The following PHLPP1 variants were observed in gnomAD, a reference collection of about 807,000 sequenced individuals.
PHLPP1 encodes the protein PH domain leucine-rich repeat-containing protein phosphatase 1.
In PHLPP1, 42 loss-of-function variants were observed where a neutral mutation model predicts 117.2. The ratio of observed to expected loss-of-function variants is 0.36; its 90% confidence interval spans 0.28 to 0.46. The LOEUF is 0.46. PHLPP1 is among the 20% of genes least tolerant of loss of function. PHLPP1 has a pLI of 1.00. For synonymous variants in PHLPP1, 1,042 were observed against 970.7 expected, an observed-to-expected ratio of 1.07 and a Z score of -1.37; for missense variants, 2,084 against 2,241.9, an observed-to-expected ratio of 0.93 and a Z score of 1.42.
At chr18:62,868,251 G>A (rs185623954) in intron 4 of PHLPP1, among the ~76,000 whole-genome samples, 209 of 152,122 alleles carry the variant, frequency 1.4e-3, no homozygotes, top group African/African-American at 4.6e-3. Flanking sequence ...AGATTATACC[G>A]TCATCCTTTG....
intron 12 of PHLPP1, among the ~76,000 whole-genome samples, chr18:62,956,933 C>A (rs1380895791): frequency 6.6e-6 from 1 of 152,092 alleles, no homozygotes; most frequent in Non-Finnish European, 1.5e-5. Flanking sequence ...GATTTAAATT[C>A]TTTGAGAATT....
At chr18:62,960,835 C>T (rs1239770210) in intron 13 of PHLPP1, among the ~76,000 whole-genome samples, 1 of 152,086 alleles carries the variant, frequency 6.6e-6, no homozygotes, top group African/African-American at 2.4e-5. Context: ...AAAATGTTAC[C>T]TTCTGTTTAA....
At chr18:62,820,775 C>T (rs1431968914) in intron 1 of PHLPP1, among the ~76,000 whole-genome samples, 1 of 152,172 alleles carries the variant, frequency 6.6e-6, no homozygotes, top group Non-Finnish European at 1.5e-5. Context: ...AGTATGAAAA[C>T]TAATACAAAC....
chr18:62,947,441 A>T (rs997330484), intron 12 of PHLPP1, among the ~76,000 whole-genome samples: 1 of 152,200 alleles, frequency 6.6e-6, no homozygotes, highest in Non-Finnish European at 1.5e-5. Context: ...GCAAATGTTT[A>T]TTTGCCGTTC....
Position 62,791,010 on chromosome 18 carries a change from G to C in PHLPP1, c.1577-39025G>C, listed in dbSNP as rs140585242. On this transcript the variant is annotated intron_variant, in intron 1 of 16. Coordinates refer to ENST00000262719, the MANE Select transcript of PHLPP1 (RefSeq NM_194449.4). ...AGGGAGGAAGACTGGCTTTGTTTTC[G>C]GTGTGCTGAGTTGAGGAGCTGGCGA... is the stretch of plus-strand genomic sequence containing the variant. Among the ~76,000 whole-genome samples, 469 of 152,202 alleles carry C rather than the reference G, an allele frequency of 3.1e-3. 2 individuals carry two copies. The highest frequency in any genetic ancestry group is 5.4e-3 in the Non-Finnish European group (370 of 68,000).
Position 62,965,920 on chromosome 18 carries a change from G to A in PHLPP1, c.3560+2448G>A, listed in dbSNP as rs192274297. On this transcript the variant is annotated intron_variant, in intron 14 of 16. Coordinates refer to ENST00000262719, the MANE Select transcript of PHLPP1 (RefSeq NM_194449.4). ...ATACTACCTCATTCCAATTAGCAAG[G>A]GGAGCCTACAGAAGGAAGACGGAAT... 7.9e-4 allele frequency among the ~76,000 whole-genome samples: 120 copies of A among 151,634 alleles called. 1 individual carries two copies. Among genetic ancestry groups the A allele is most frequent in the African/African-American group, 2.4e-3 (99 of 41,362 alleles).
Position 62,920,187 on chromosome 18 carries a change from C to G in PHLPP1, c.2960+73C>G, listed in dbSNP as rs532419838. The stretch of plus-strand genomic sequence containing the variant: ...CATTTGTATCTTTGTCTTTCGTGAC[C>G]TGAGACTGTATAAACTTTCTGAGTA... On this transcript the variant is annotated intron_variant, in intron 10 of 16. Transcript: ENST00000262719. 11 of 1,354,676 alleles carry G rather than the reference C, an allele frequency of 8.1e-6. No individual in the cohort carries two copies. The African/African-American group carries it at 1.3e-4, about 16-fold the overall frequency. 83.9% of individuals were successfully genotyped at this position (1,354,676 alleles called of 1,614,324 possible).
At chr18:62,740,225 C>T (rs1417363901) in intron 1 of PHLPP1, among the ~76,000 whole-genome samples, 2 of 152,104 alleles carry the variant, frequency 1.3e-5, no homozygotes, top group Admixed American at 6.6e-5. Context: ...ATGAAAGCTG[C>T]GGGTAGTAAA....
At chr18:62,886,871 G>A (rs554509661) in intron 4 of PHLPP1, among the ~76,000 whole-genome samples, 1 of 152,252 alleles carries the variant, frequency 6.6e-6, no homozygotes, top group Admixed American at 6.5e-5. Flanking sequence ...CCTTTCTGTA[G>A]TGTGAACTCT....
At chr18:62,949,591 G>T (rs1446730265) in intron 12 of PHLPP1, among the ~76,000 whole-genome samples, 1 of 152,132 alleles carries the variant, frequency 6.6e-6, no homozygotes, top group African/African-American at 2.4e-5. Flanking sequence ...AGCCTGAGTG[G>T]ATCATTAGTG....
At chr18:62,794,412 T>C (rs1256613835) in intron 1 of PHLPP1, among the ~76,000 whole-genome samples, 1 of 152,016 alleles carries the variant, frequency 6.6e-6, no homozygotes, top group African/African-American at 2.4e-5. Flanking sequence ...CTGTCAACCA[T>C]GCTGAGTGCA....
intron 4 of PHLPP1, among the ~76,000 whole-genome samples, chr18:62,868,341 C>T (rs1915818337): frequency 2.0e-5 from 3 of 152,068 alleles, no homozygotes; most frequent in South Asian, 4.1e-4. Context: ...TAAGGGATAA[C>T]TTCAGACTAT....
chr18:62,787,154 T>G (rs1453269706), intron 1 of PHLPP1, among the ~76,000 whole-genome samples: 3 of 152,124 alleles, frequency 2.0e-5, no homozygotes, highest in Non-Finnish European at 4.4e-5. Context: ...GGATGCCTTT[T>G]TTTTCTCTCT....
At chr18:62,752,823 T>C (rs918913575) in intron 1 of PHLPP1, among the ~76,000 whole-genome samples, 2 of 152,226 alleles carry the variant, frequency 1.3e-5, no homozygotes, top group Non-Finnish European at 2.9e-5. Context: ...AGTAGATCCT[T>C]ATTGAAGCTG....
Position 62,965,264 on chromosome 18 carries a change from C to T in PHLPP1, c.3560+1792C>T, listed in dbSNP as rs568770531. 1.6e-4 allele frequency among the ~76,000 whole-genome samples: 25 copies of T among 152,068 alleles called. 1 individual carries two copies. In the Middle Eastern group the frequency reaches 0.01, roughly 62 times the overall value. ...TTTGCATTGTCAATAGTTATTTAAA[C>T]ACAGAGTTTGCTGCTTGCCACCTTA... On this transcript the variant is annotated intron_variant, in intron 14 of 16. Coordinates refer to ENST00000262719, the MANE Select transcript of PHLPP1 (RefSeq NM_194449.4).
chr18:62,926,392 T>C (rs1452473317), intron 10 of PHLPP1, among the ~76,000 whole-genome samples: 1 of 152,184 alleles, frequency 6.6e-6, no homozygotes, highest in Non-Finnish European at 1.5e-5. Flanking sequence ...TGTGTTCAGC[T>C]GTGAACATTG....
At chr18:62,968,740 T>A (rs1044445600) in intron 14 of PHLPP1, among the ~76,000 whole-genome samples, 1 of 151,996 alleles carries the variant, frequency 6.6e-6, no homozygotes, top group African/African-American at 2.4e-5. Flanking sequence ...AGTTTCACCA[T>A]GTTGGCCAGG....
In PHLPP1 at chr18:62,819,236, AATATT is replaced by A. The variant is rs921359169; in HGVS notation, c.1577-10793_1577-10789del. 5.9e-5 allele frequency among the ~76,000 whole-genome samples: 9 copies of A among 152,350 alleles called. No homozygotes were observed. In the East Asian group the frequency reaches 1.7e-3, roughly 29 times the overall value. On this transcript the variant is annotated intron_variant, in intron 1 of 16. Coordinates refer to ENST00000262719, the MANE Select transcript of PHLPP1 (RefSeq NM_194449.4). The stretch of plus-strand genomic sequence containing the variant: ...TCTTAAATTGTACATGAAGTGATAC[AATATT>A]ATATTGGTAATGGAAATGGAAGTAT...
chr18:62,966,421 C>G (rs907204473), intron 14 of PHLPP1, among the ~76,000 whole-genome samples: 10 of 147,428 alleles, frequency 6.8e-5, no homozygotes, highest in Admixed American at 5.4e-4. Flanking sequence ...GAGGTATAAT[C>G]TATATTCAGT....
Sources: allele counts gnomAD v4.1 joint callset (sites outside exome capture counted in the v4.1 genomes callset), GRCh38; gene constraint gnomAD v4.1.1; transcripts MANE v1.5; gene names NCBI Gene and HGNC (gene_info 2026-07-23, HGNC 2026-07-21).